Variants in TNPO1 observed in about 807,000 individuals in gnomAD.
TNPO1 encodes the protein transportin 1, also known as transportin-1.
In TNPO1, 8 loss-of-function variants were observed where a neutral mutation model predicts 119.5. The ratio of observed to expected loss-of-function variants is 0.07; its 90% CI spans 0.04 to 0.12. The LOEUF is 0.12. Ranked by LOEUF, TNPO1 falls within the 10% of genes least tolerant of loss-of-function variation. The pLI is 1.00. For missense variants in TNPO1, 576 were observed against 1,089.8 expected, an observed-to-expected ratio of 0.53 and a Z score of 6.64; for synonymous variants, 362 against 363.0, an observed-to-expected ratio of 1.00 and a Z score of 0.03.
chr5:72,876,613 GT>G (rs746802798), intron 8 of TNPO1, among the ~76,000 whole-genome samples: 31 of 152,004 alleles, frequency 2.0e-4, no homozygotes, highest in Non-Finnish European at 4.0e-4. Context: ...TATATAATGA[GT>G]TCTTAATTTT....
chr5:72,865,734 T>G lies in TNPO1; in HGVS notation c.596+5T>G, dbSNP rs1032814457. On this transcript the variant is annotated splice_donor_5th_base_variant and intron_variant, in intron 6 of 24. Coordinates refer to ENST00000337273, the MANE Select transcript of TNPO1 (RefSeq NM_002270.4). Reference sequence around the variant, plus strand: ...GCATAGTAGTCCAAAAATAAGGTACTTATATTGCCAGTACTAATTGATTAA... The same window carrying G: ...GCATAGTAGTCCAAAAATAAGGTACGTATATTGCCAGTACTAATTGATTAA... The G allele has an allele frequency of 6.2e-7, 1 of 1,612,478 alleles. No individual in the cohort carries two copies. The highest frequency in any genetic ancestry group is 1.3e-5 in the African/African-American group (1 of 74,988).
chr5:72,847,035 TTTG>T (rs1205851296), intron 1 of TNPO1, among the ~76,000 whole-genome samples: 1 of 151,494 alleles, frequency 6.6e-6, no homozygotes. Context: ...TGGTGGTGAT[TTTG>T]TTTTGAGTTT....
chr5:72,889,761 A>C, intron 13 of TNPO1, 25 bp from the exon 14 acceptor site: 1 of 1,459,844 alleles, frequency 6.9e-7, no homozygotes, highest in East Asian at 2.3e-5. Context: ...GTCAATAAGT[A>C]TTCTTTTTTT....
intron 21 of TNPO1, 196 bp from the exon 22 acceptor site, chr5:72,900,778 T>G (rs1749747965): frequency 2.6e-6 from 1 of 380,964 alleles, no homozygotes. Context: ...TGGATTTCAC[T>G]GTTTCTACTG....
intron 1 of TNPO1, among the ~76,000 whole-genome samples, chr5:72,822,075 A>G (rs1561288920): frequency 6.6e-6 from 1 of 152,170 alleles, no homozygotes; most frequent in Non-Finnish European, 1.5e-5. Flanking sequence ...AAGAGAGAGA[A>G]CCTACTGAGC....
chr5:72,881,351 C>G (rs894757810), intron 9 of TNPO1, among the ~76,000 whole-genome samples: 1 of 152,018 alleles, frequency 6.6e-6, no homozygotes, highest in East Asian at 1.9e-4. Context: ...CCTCGTGATC[C>G]GCTCGCCTCG....
At chr5:72,886,658 G>A (rs1243798768) in intron 11 of TNPO1, among the ~76,000 whole-genome samples, 1 of 152,006 alleles carries the variant, frequency 6.6e-6, no homozygotes, top group Non-Finnish European at 1.5e-5. Flanking sequence ...CAGCACTTTG[G>A]GAGGCTGAGG....
intron 1 of TNPO1, among the ~76,000 whole-genome samples, chr5:72,819,349 A>G (rs1743842406): frequency 1.3e-5 from 2 of 152,334 alleles, no homozygotes; most frequent in Admixed American, 1.3e-4. Flanking sequence ...AGCAAGTGGT[A>G]ACTGATTTGT....
chr5:72,870,651 C>T (rs1157752378), intron 6 of TNPO1, among the ~76,000 whole-genome samples: 1 of 152,118 alleles, frequency 6.6e-6, no homozygotes, highest in Non-Finnish European at 1.5e-5. Flanking sequence ...CCAAAGAAAG[C>T]ACGTCACACT....
At chr5:72,887,426 A>G (rs750104815) in intron 12 of TNPO1, among the ~76,000 whole-genome samples, 106 of 150,976 alleles carry the variant, frequency 7.0e-4, no homozygotes, top group Non-Finnish European at 3.2e-4. Flanking sequence ...ATGGTGGCTC[A>G]CGCCTATAAT....
chr5:72,871,376 T>C (rs1473531249), intron 6 of TNPO1, among the ~76,000 whole-genome samples: 1 of 152,210 alleles, frequency 6.6e-6, no homozygotes. Context: ...GTATGCTTTT[T>C]TCACTTAATG....
intron 24 of TNPO1, among the ~76,000 whole-genome samples, chr5:72,907,815 G>A (rs1466414484): frequency 1.3e-5 from 2 of 152,050 alleles, no homozygotes; most frequent in East Asian, 3.9e-4. Context: ...AGGCTGAGGT[G>A]GGAGCATTGC....
chr5:72,874,429 C>G (rs1300928994), intron 7 of TNPO1, among the ~76,000 whole-genome samples: 1 of 152,094 alleles, frequency 6.6e-6, no homozygotes, highest in African/African-American at 2.4e-5. Flanking sequence ...GTGACAAATG[C>G]AAGATGATGG....
At chr5:72,898,982 T>C (rs1195405512) in intron 20 of TNPO1, among the ~76,000 whole-genome samples, 2 of 152,178 alleles carry the variant, frequency 1.3e-5, no homozygotes, top group African/African-American at 2.4e-5. Flanking sequence ...TTTCCTGTTG[T>C]GTATGAATGT....
At chr5:72,855,710 C>G (rs978667022) in intron 3 of TNPO1, 64 bp from the exon 4 acceptor site, 1 of 1,374,698 alleles carries the variant, frequency 7.3e-7, no homozygotes, top group Non-Finnish European at 9.9e-7. Context: ...GTTTTTAAAA[C>G]TTATCGGCAC....
intron 13 of TNPO1, among the ~76,000 whole-genome samples, chr5:72,889,008 C>T (rs1748858827): frequency 1.3e-5 from 2 of 151,978 alleles, no homozygotes; most frequent in Admixed American, 1.3e-4. Context: ...TTGCTTTTAC[C>T]ATTGACCTTG....
chr5:72,890,072 G>A, intron 14 of TNPO1, 115 bp downstream of exon 14: 2 of 1,150,040 alleles, frequency 1.7e-6, no homozygotes, highest in Non-Finnish European at 1.2e-6. Flanking sequence ...GTTAGCGTTA[G>A]CTACTTTAAG....
At chr5:72,891,044 A>G (rs1379310360) in intron 14 of TNPO1, among the ~76,000 whole-genome samples, 3 of 152,026 alleles carry the variant, frequency 2.0e-5, no homozygotes, top group Admixed American at 6.5e-5. Context: ...TAGTTTTGCC[A>G]TGTTGCCCAG....
intron 21 of TNPO1, 186 bp from the exon 22 acceptor site, chr5:72,900,788 G>A: frequency 2.5e-6 from 1 of 400,650 alleles, no homozygotes; most frequent in Non-Finnish European, 4.5e-6. Context: ...TGTTTCTACT[G>A]TATTGAGATA....
Sources: allele counts gnomAD v4.1 joint callset (sites outside exome capture counted in the v4.1 genomes callset), GRCh38; gene constraint gnomAD v4.1.1; transcripts MANE v1.5; gene names NCBI Gene and HGNC (gene_info 2026-07-23, HGNC 2026-07-21).